ZNF331: variants seen among roughly 807,000 people sequenced by gnomAD.
ZNF331 encodes the protein C2H2-like zinc finger protein rearranged in thyroid adenomas.
Under a neutral mutation model 7.0 loss-of-function variants are expected in ZNF331, and 2 were observed. The observed-to-expected ratio is 0.29, with a 90% CI of 0.12 to 0.90. The LOEUF (loss-of-function observed/expected upper bound fraction) is 0.90. Ranked by LOEUF, ZNF331 falls within the 40% of genes least tolerant of loss-of-function variation. ZNF331 has a pLI of 0.58. For synonymous variants in ZNF331, 196 were observed against 205.4 expected, an observed-to-expected ratio of 0.95 and a Z score of 0.39; for missense variants, 432 against 587.7, an observed-to-expected ratio of 0.74 and a Z score of 2.74.
intron 3 of ZNF331, among the ~76,000 whole-genome samples, chr19:53,565,384 G>T (rs542697353): frequency 6.6e-6 from 1 of 152,178 alleles, no homozygotes; most frequent in African/African-American, 2.4e-5. Flanking sequence ...TTGTAGAGAT[G>T]GGGTCTTGCT....
chr19:53,521,331 A>AGTGAGTGAGTGAGT (rs779905191), exon 1 of ZNF331: 6 of 129,114 alleles, frequency 4.6e-5, no homozygotes, highest in African/African-American at 1.8e-4. Context: ...AGTGTGTGTG[A>AGTGAGTGAGTGAGT]GTGTGTGTGT....
intron 1 of ZNF331, chr19:53,538,701 C>T (rs137915801): frequency 0.072 from 11,120 of 153,990 alleles, 528 homozygotes; most frequent in Non-Finnish European, 0.11. Context: ...ATCGGGCCTT[C>T]TGGGTGACGC....
chr19:53,508,438 G>T, the ZNF331 span, among the ~76,000 whole-genome samples: 1 of 152,070 alleles, frequency 6.6e-6, no homozygotes, highest in African/African-American at 2.4e-5. Context: ...CTAAAAATGG[G>T]CCAACTGTCT....
chr19:53,559,550 C>A (rs1220823547), intron 3 of ZNF331, among the ~76,000 whole-genome samples: 1 of 150,902 alleles, frequency 6.6e-6, no homozygotes, highest in Admixed American at 6.6e-5. Flanking sequence ...TATATACACA[C>A]ATATACACAC....
chr19:53,574,111 C>T (rs1481382174), intron 5 of ZNF331, among the ~76,000 whole-genome samples: 1 of 145,944 alleles, frequency 6.9e-6, no homozygotes, highest in Non-Finnish European at 1.5e-5. Context: ...GCAAGACTCC[C>T]TCTCAAAAAA....
intron 2 of ZNF331, among the ~76,000 whole-genome samples, chr19:53,552,229 T>C (rs1002180844): frequency 2.0e-5 from 3 of 152,152 alleles, no homozygotes; most frequent in Non-Finnish European, 2.9e-5. Flanking sequence ...AGCACAATTT[T>C]TGATGCAGAA....
At chr19:53,532,342 C>G (rs1376699949) in intron 2 of ZNF331, among the ~76,000 whole-genome samples, 1 of 152,076 alleles carries the variant, frequency 6.6e-6, no homozygotes, top group Non-Finnish European at 1.5e-5. Context: ...TGCAGGTGGA[C>G]CTTTCTATGC....
Position 53,555,901 on chromosome 19 carries a change from T to G in ZNF331, c.-81T>G, listed in dbSNP as rs1240004688. On this transcript the variant is annotated 5_prime_UTR_variant, in exon 3 of 6. Transcript: ENST00000449416. ...GAGGAAGACGAATCGTTAAACATCT[T>G]AGGTCAGGTGAGTATCTTTTTTTTT... 2 of 149,064 alleles carry G rather than the reference T, an allele frequency of 1.3e-5. No individual in the cohort carries two copies. The highest frequency in any genetic ancestry group is 3.0e-5 in the Non-Finnish European group (2 of 67,762). 9.2% of individuals were successfully genotyped at this position (149,064 alleles called of 1,614,324 possible).
intron 5 of ZNF331, 55 bp from the exon 6 acceptor site, chr19:53,576,642 G>A: frequency 4.0e-6 from 6 of 1,494,610 alleles, no homozygotes; most frequent in Non-Finnish European, 5.4e-6. Flanking sequence ...TTGTGGTTAG[G>A]TTCGTTTGTA....
chr19:53,547,398 T>A (rs2088683111), intron 2 of ZNF331, among the ~76,000 whole-genome samples: 1 of 152,238 alleles, frequency 6.6e-6, no homozygotes, highest in Non-Finnish European at 1.5e-5. Context: ...CATTGCATTG[T>A]GTTATCTCTA....
chr19:53,562,840 T>G (rs2089961334), intron 3 of ZNF331, among the ~76,000 whole-genome samples: 1 of 151,064 alleles, frequency 6.6e-6, no homozygotes, highest in Admixed American at 6.6e-5. Context: ...ATACAAAAAA[T>G]AGCCGGGCAT....
In ZNF331 at chr19:53,567,153, G is replaced by T. The variant is rs558905552; in HGVS notation, c.-73-2151G>T. Among the ~76,000 whole-genome samples, 40 of 152,062 alleles carry T rather than the reference G, an allele frequency of 2.6e-4. 1 individual carries two copies. The South Asian group carries it at 7.7e-3, about 29-fold the overall frequency. The stretch of plus-strand genomic sequence containing the variant: ...CAGTAATCATTTACTATTTTACTTT[G>T]ATATTCTGTGTGTAATTATGCTGTC... On this transcript the variant is annotated intron_variant, in intron 3 of 5. Transcript: ENST00000449416.
Position 53,553,801 on chromosome 19 carries a change from G to GAT in ZNF331, c.-137-2042_-137-2041dup, listed in dbSNP as rs1193114613. 1.9e-4 allele frequency among the ~76,000 whole-genome samples: 29 copies of GAT among 152,332 alleles called. 1 individual carries two copies. The East Asian group carries it at 4.8e-3, about 25-fold the overall frequency. On this transcript the variant is annotated intron_variant, in intron 2 of 5. Coordinates refer to ENST00000449416, the MANE Select transcript of ZNF331 (RefSeq NM_001079906.2). ...TGATGCTCCAGAGGGGCTAGGAGAG[G>GAT]ATACCCTTCTGATGACAGCCATGGC...
intron 2 of ZNF331, among the ~76,000 whole-genome samples, chr19:53,551,704 T>G (rs2089021698): frequency 6.6e-6 from 1 of 152,184 alleles, no homozygotes; most frequent in South Asian, 2.1e-4. Context: ...ACATCTGTAT[T>G]GAACATGTAC....
intron 2 of ZNF331, among the ~76,000 whole-genome samples, chr19:53,544,426 TC>T (rs1480717498): frequency 6.7e-6 from 1 of 148,840 alleles, no homozygotes; most frequent in African/African-American, 2.5e-5. Flanking sequence ...GCACCTGTAG[TC>T]CCAGCTACTC....
At chr19:53,505,120 C>G in the ZNF331 span, among the ~76,000 whole-genome samples, 1 of 152,290 alleles carries the variant, frequency 6.6e-6, no homozygotes, top group East Asian at 1.9e-4. Context: ...TGTAAGCACA[C>G]GAGGCTTGTT....
chr19:53,551,643 A>G (rs1568493822), intron 2 of ZNF331, among the ~76,000 whole-genome samples: 1 of 152,170 alleles, frequency 6.6e-6, no homozygotes, highest in Non-Finnish European at 1.5e-5. Flanking sequence ...CAGATCAAAA[A>G]TATCCTTGGG....
rs373263849 is a variant in ZNF331 at position 53,577,977 on chromosome 19, G to C, written c.*25G>C. The stretch of plus-strand genomic sequence containing the variant: ...AAGAGCCTTTTGAACGCAGTAGCCC[G>C]CTCGTATCTATGGTTTCGCTTTCCA... On this transcript the variant is annotated 3_prime_UTR_variant, in exon 6 of 6. Coordinates refer to ENST00000449416, the MANE Select transcript of ZNF331 (RefSeq NM_001079906.2). 4.4e-6 allele frequency: 7 copies of C among 1,582,980 alleles called. No individual in the cohort carries two copies. In the South Asian group the frequency reaches 7.9e-5, roughly 18 times the overall value.
intron 2 of ZNF331, among the ~76,000 whole-genome samples, chr19:53,528,642 G>A (rs895403117): frequency 5.3e-5 from 8 of 152,088 alleles, no homozygotes; most frequent in African/African-American, 1.9e-4. Context: ...CAAATTACAT[G>A]TACCTTTTTA....
Sources: allele counts gnomAD v4.1 joint callset (sites outside exome capture counted in the v4.1 genomes callset), GRCh38; gene constraint gnomAD v4.1.1; transcripts MANE v1.5; gene names NCBI Gene and HGNC (gene_info 2026-07-23, HGNC 2026-07-21).